Variants in SPECC1L observed in about 807,000 individuals in gnomAD.
SPECC1L encodes the protein sperm antigen with calponin homology and coiled-coil domains 1 like.
Under a neutral mutation model 116.8 loss-of-function variants are expected in SPECC1L, and 40 were observed. The ratio of observed to expected loss-of-function variants is 0.34; its 90% CI spans 0.27 to 0.45. The LOEUF (loss-of-function observed/expected upper bound fraction) is 0.45, where lower values mean the gene tolerates loss of function less well. Among genes scored for constraint, SPECC1L ranks in the 20% least tolerant of loss-of-function variants. The probability of loss-of-function intolerance (pLI) is 1.00; values close to 1 mark genes in which losing one functional copy is unlikely to be tolerated. For synonymous variants in SPECC1L, 504 were observed against 500.6 expected, an observed-to-expected ratio of 1.01 and a Z score of -0.09; for missense variants, 1,110 against 1,373.6, an observed-to-expected ratio of 0.81 and a Z score of 3.03.
At chr22:24,359,083 C>T (rs1361854384) in intron 11 of SPECC1L, among the ~76,000 whole-genome samples, 4 of 152,144 alleles carry the variant, frequency 2.6e-5, no homozygotes, top group Admixed American at 1.3e-4. Flanking sequence ...TTTAAAAATA[C>T]ATCTTTCCTT....
Position 24,276,739 on chromosome 22 carries a change from G to T in SPECC1L, c.-102G>T, listed in dbSNP as rs1007302047. On this transcript the variant is annotated 5_prime_UTR_variant, in exon 2 of 17. Coordinates refer to ENST00000314328, the MANE Select transcript of SPECC1L (RefSeq NM_015330.6). The stretch of plus-strand genomic sequence containing the variant: ...ATCCCGACTAAGCCATTTTCCAGTG[G>T]CACCTCTTCCATCATGAGTTCCTGA... The T allele has an allele frequency of 1.8e-5, 8 of 452,944 alleles. No individual in the cohort carries two copies. Among genetic ancestry groups the T allele is most frequent in the African/African-American group, 1.6e-4 (8 of 49,900 alleles). 28.1% of individuals were successfully genotyped at this position (452,944 alleles called of 1,614,324 possible).
intron 3 of SPECC1L, among the ~76,000 whole-genome samples, chr22:24,307,463 C>T (rs1488426246): frequency 6.6e-6 from 1 of 152,048 alleles, no homozygotes; most frequent in East Asian, 1.9e-4. Context: ...CTTTCGCTCT[C>T]TTCTCTCCCC....
chr22:24,285,181 G>A (rs1264526571), intron 2 of SPECC1L, among the ~76,000 whole-genome samples: 1 of 152,188 alleles, frequency 6.6e-6, no homozygotes, highest in Non-Finnish European at 1.5e-5. Flanking sequence ...GATTGTAGTG[G>A]AAAGGGAGAG....
chr22:24,328,214 G>A (rs1483198763), intron 6 of SPECC1L, among the ~76,000 whole-genome samples: 1 of 152,050 alleles, frequency 6.6e-6, no homozygotes, highest in African/African-American at 2.4e-5. Flanking sequence ...ATCTAGAATG[G>A]TACTTTGCAT....
At position 24,351,483 on chromosome 22, in the gene SPECC1L, C is replaced by T. The variant is rs981510981; in HGVS notation, c.2743+4307C>T. On this transcript the variant is annotated intron_variant, in intron 11 of 16. Transcript: ENST00000314328. ...GTGATGCATCAAACGGTAGTGCCAG[C>T]GGCATGGGGGTACATGCCGTCAGTC... Among the ~76,000 whole-genome samples the T allele has an allele frequency of 5.9e-5, 9 of 152,210 alleles. No homozygotes were observed. The East Asian group carries it at 1.5e-3, about 26-fold the overall frequency.
chr22:24,414,723 A>G lies in SPECC1L; in HGVS notation c.*100A>G, dbSNP rs1601379745. ...ACGCACCCCTGTAAAGCTTCCAGCA[A>G]CTCTGGGCTGCCCCACAGCGTGTGA... On this transcript the variant is annotated 3_prime_UTR_variant, in exon 17 of 17. Coordinates refer to ENST00000314328, the MANE Select transcript of SPECC1L (RefSeq NM_015330.6). 9.8e-7 allele frequency: 1 copy of G among 1,022,042 alleles called. No homozygotes were observed. Among genetic ancestry groups the G allele is most frequent in the Admixed American group, 1.9e-5 (1 of 51,662 alleles). The allele number at this position is 1,022,042 out of a possible 1,614,324, so 63.3% of individuals were successfully genotyped here. A position where few individuals can be genotyped will look rare whatever the true frequency, so the allele number is the denominator to read the frequency against.
intron 14 of SPECC1L, among the ~76,000 whole-genome samples, chr22:24,409,301 C>A (rs2042648214): frequency 6.6e-6 from 1 of 152,070 alleles, no homozygotes; most frequent in Non-Finnish European, 1.5e-5. Context: ...GAAGCTGGCT[C>A]TTGGTGCAGT....
intron 6 of SPECC1L, among the ~76,000 whole-genome samples, chr22:24,327,769 CTG>C (rs2040859964): frequency 6.6e-6 from 1 of 152,182 alleles, no homozygotes; most frequent in South Asian, 2.1e-4. Flanking sequence ...ACTACTGAGT[CTG>C]TGAGGTCATC....
intron 14 of SPECC1L, among the ~76,000 whole-genome samples, chr22:24,398,703 A>G (rs1337369188): frequency 6.6e-6 from 1 of 152,182 alleles, no homozygotes; most frequent in Non-Finnish European, 1.5e-5. Flanking sequence ...AATTGGTGAC[A>G]TTTGTCCTGA....
intron 14 of SPECC1L, among the ~76,000 whole-genome samples, chr22:24,370,205 G>A (rs2041846239): frequency 6.6e-6 from 1 of 152,232 alleles, no homozygotes; most frequent in Non-Finnish European, 1.5e-5. Flanking sequence ...ACTTTTGGAT[G>A]AATTTGTACA....
chr22:24,408,035 C>T (rs2042625046), intron 14 of SPECC1L, among the ~76,000 whole-genome samples: 1 of 152,154 alleles, frequency 6.6e-6, no homozygotes, highest in South Asian at 2.1e-4. Context: ...CCTCTCGGAG[C>T]CTCACCCTCC....
At chr22:24,317,210 C>T (rs1230923277) in intron 4 of SPECC1L, among the ~76,000 whole-genome samples, 2 of 97,034 alleles carry the variant, frequency 2.1e-5, no homozygotes, top group African/African-American at 3.9e-5. Context: ...TAGGGGCGGC[C>T]GGGCAGAGGC....
At chr22:24,404,335 ACT>A (rs1027150871) in intron 14 of SPECC1L, among the ~76,000 whole-genome samples, 1 of 151,860 alleles carries the variant, frequency 6.6e-6, no homozygotes, top group Non-Finnish European at 1.5e-5. Context: ...TGCTCTCCTG[ACT>A]CACGTGTCAG....
At chr22:24,394,575 G>A (rs2042331962) in intron 14 of SPECC1L, among the ~76,000 whole-genome samples, 1 of 152,234 alleles carries the variant, frequency 6.6e-6, no homozygotes, top group Non-Finnish European at 1.5e-5. Flanking sequence ...GCTGGATCAT[G>A]TGGTAGGTAT....
chr22:24,361,024 C>A (rs1416014966), intron 11 of SPECC1L, among the ~76,000 whole-genome samples: 1 of 152,154 alleles, frequency 6.6e-6, no homozygotes, highest in East Asian at 1.9e-4. Flanking sequence ...TACATCCCAT[C>A]TTTATTAAGC....
intron 2 of SPECC1L, among the ~76,000 whole-genome samples, chr22:24,279,587 T>TTA (rs2048903263): frequency 6.7e-6 from 1 of 149,662 alleles, no homozygotes; most frequent in Non-Finnish European, 1.5e-5. Flanking sequence ...ATTATTATTA[T>TTA]TTATTATTTT....
At chr22:24,342,672 C>CAAA (rs35947804) in intron 10 of SPECC1L, among the ~76,000 whole-genome samples, 1,616 of 102,086 alleles carry the variant, frequency 0.016, 33 homozygotes, top group African/African-American at 0.056. Context: ...GACTCCATCT[C>CAAA]AAAAAAAAAA....
intron 14 of SPECC1L, among the ~76,000 whole-genome samples, chr22:24,397,247 C>G (rs1267786468): frequency 6.6e-6 from 1 of 152,050 alleles, no homozygotes; most frequent in Non-Finnish European, 1.5e-5. Flanking sequence ...GCTTCAGTTC[C>G]TTCTGTAAGC....
chr22:24,343,113 T>C (rs187313975), intron 10 of SPECC1L, among the ~76,000 whole-genome samples: 188 of 151,844 alleles, frequency 1.2e-3, no homozygotes, highest in African/African-American at 4.1e-3. Flanking sequence ...AGAACCACTT[T>C]AACCCGGGAG....
Sources: gnomAD v4.1 joint callset for allele counts (sites outside exome capture counted in the v4.1 genomes callset) on GRCh38, gnomAD v4.1.1 for gene constraint, MANE v1.5 for transcripts, NCBI Gene and HGNC (gene_info 2026-07-23, HGNC 2026-07-21) for gene names.